Variants in DENND2B observed in about 807,000 individuals in gnomAD.
DENND2B encodes the protein DENN domain containing 2B.
A neutral mutation model predicts 116.0 loss-of-function variants in DENND2B; 32 were observed. The observed-to-expected ratio is 0.28, with a 90% confidence interval of 0.21 to 0.37. DENND2B has a LOEUF of 0.37. DENND2B is among the 10% of genes least tolerant of loss of function. The pLI is 1.00. For missense variants in DENND2B, 1,276 were observed against 1,477.7 expected, an observed-to-expected ratio of 0.86 and a Z score of 2.24; for synonymous variants, 588 against 583.9, an observed-to-expected ratio of 1.01 and a Z score of -0.10.
At chr11:8,847,856 AGAT>A in intron 3 of DENND2B, among the ~76,000 whole-genome samples, 1 of 152,358 alleles carries the variant, frequency 6.6e-6, no homozygotes, top group East Asian at 1.9e-4. Flanking sequence ...AGCATGCACA[AGAT>A]GACAAGCACA....
In DENND2B at chr11:8,744,806, G is replaced by A. The variant is rs539454577; in HGVS notation, c.80+5815C>T. On this transcript the variant is annotated intron_variant, in intron 2 of 19. Transcript: ENST00000313726. ...AGCCTGTCCCACCAGTGTCTTTTGG[G>A]TAGCAGATATACATTCTCTTTAAGT... is the stretch of plus-strand genomic sequence containing the variant. 4.1e-4 allele frequency among the ~76,000 whole-genome samples: 63 copies of A among 152,226 alleles called. No homozygotes were observed. The South Asian group carries it at 0.013, about 31-fold the overall frequency.
At chr11:8,708,637 G>T (rs1228684702) in intron 11 of DENND2B, among the ~76,000 whole-genome samples, 1 of 152,160 alleles carries the variant, frequency 6.6e-6, no homozygotes, top group East Asian at 1.9e-4. Context: ...GAGTAAAGGA[G>T]CAAAAGAAGA....
At position 8,743,740 on chromosome 11, in the gene DENND2B, G is replaced by A. The variant is rs565983558; in HGVS notation, c.80+6881C>T. Among the ~76,000 whole-genome samples the A allele has an allele frequency of 2.8e-4, 42 of 151,836 alleles. No homozygotes were observed. In the East Asian group the frequency reaches 7.4e-3, roughly 27 times the overall value. ...AGAAATCCAAATCGAAGTGGAGAGG[G>A]GCTTATCTCTTCCTTTTTTTTTTTT... On this transcript the variant is annotated intron_variant, in intron 2 of 19. Transcript: ENST00000313726.
At chr11:8,828,590 T>C (rs1428582750) in intron 4 of DENND2B, among the ~76,000 whole-genome samples, 1 of 151,556 alleles carries the variant, frequency 6.6e-6, no homozygotes, top group Non-Finnish European at 1.5e-5. Flanking sequence ...CCATGTGGGG[T>C]GGTGAGAATG....
At chr11:8,871,156 C>G (rs898564112) in intron 1 of DENND2B, 3 of 152,120 alleles carry the variant, frequency 2.0e-5, no homozygotes, top group African/African-American at 4.8e-5. Flanking sequence ...TGCGCCTCCA[C>G]CCAAGACAGA....
intron 1 of DENND2B, among the ~76,000 whole-genome samples, chr11:8,897,527 G>A (rs1461453895): frequency 1.3e-5 from 2 of 152,174 alleles, no homozygotes; most frequent in African/African-American, 4.8e-5. Flanking sequence ...ATCAGGGAAA[G>A]TCAATATCAT....
At chr11:8,869,580 T>C (rs2063704699) in intron 2 of DENND2B, among the ~76,000 whole-genome samples, 1 of 151,744 alleles carries the variant, frequency 6.6e-6, no homozygotes, top group Non-Finnish European at 1.5e-5. Context: ...GAGAATTGCT[T>C]GAACCCAGGA....
intron 4 of DENND2B, among the ~76,000 whole-genome samples, chr11:8,818,893 A>G (rs543572381): frequency 6.6e-6 from 1 of 152,202 alleles, no homozygotes; most frequent in African/African-American, 2.4e-5. Context: ...ACAGTAGTCC[A>G]GAGTGTCCAA....
At chr11:8,776,278 C>A in intron 1 of DENND2B, 2 of 454,592 alleles carry the variant, frequency 4.4e-6, no homozygotes, top group Non-Finnish European at 8.9e-6. Flanking sequence ...CACTGGCAGC[C>A]TGGAGTGCTC....
intron 1 of DENND2B, among the ~76,000 whole-genome samples, chr11:8,796,482 T>C (rs2059824007): frequency 6.6e-6 from 1 of 152,198 alleles, no homozygotes; most frequent in Admixed American, 6.5e-5. Flanking sequence ...ACGGTTGCAG[T>C]GAGCCAAGAC....
intron 1 of DENND2B, among the ~76,000 whole-genome samples, chr11:8,754,041 A>G (rs1384853372): frequency 1.3e-5 from 2 of 151,828 alleles, no homozygotes; most frequent in African/African-American, 4.8e-5. Flanking sequence ...ACACACACAC[A>G]CACACACACA....
rs577645457 is a variant in DENND2B at position 8,728,905 on chromosome 11, G to A, written c.1340+1045C>T. Among the ~76,000 whole-genome samples the A allele has an allele frequency of 4.6e-5, 7 of 152,296 alleles. 1 individual carries two copies. Among genetic ancestry groups the A allele is most frequent in the East Asian group, 1.9e-4 (1 of 5,188 alleles). On this transcript the variant is annotated intron_variant, in intron 3 of 19. Coordinates refer to ENST00000313726, the MANE Select transcript of DENND2B (RefSeq NM_213618.2). ...ATGTTTATAGAAATGGATGAACAAG[G>A]ACAAAGCAAACACTCTTGGCAGGCC...
chr11:8,775,771 AC>A (rs1222668204), intron 1 of DENND2B, among the ~76,000 whole-genome samples: 1 of 152,054 alleles, frequency 6.6e-6, no homozygotes, highest in African/African-American at 2.4e-5. Flanking sequence ...CCACTTTATC[AC>A]CTCATACCTA....
chr11:8,848,567 G>C (rs770536604), intron 3 of DENND2B, among the ~76,000 whole-genome samples: 3 of 152,166 alleles, frequency 2.0e-5, no homozygotes, highest in South Asian at 2.1e-4. Flanking sequence ...TTAAATGTGA[G>C]AGAGTGGTTA....
At chr11:8,830,121 G>T (rs761831875) in intron 4 of DENND2B, among the ~76,000 whole-genome samples, 3 of 151,916 alleles carry the variant, frequency 2.0e-5, no homozygotes, top group African/African-American at 7.3e-5. Flanking sequence ...TATTTTCATC[G>T]ATCTACAGGA....
In DENND2B at chr11:8,910,178, A is replaced by C. The variant is rs56769123; in HGVS notation, c.-256+643T>G. ...GAGAGCTGCGCTGAGGGATTATGAG[A>C]GACCCTACAACTTCTCAGGCGCCCC... On this transcript the variant is annotated intron_variant, in intron 1 of 22. Coordinates refer to the DENND2B transcript ENST00000534127. Among the ~76,000 whole-genome samples, 6 of 151,752 alleles carry C rather than the reference A, an allele frequency of 4.0e-5. No individual in the cohort carries two copies. The East Asian group carries it at 1.2e-3, about 30-fold the overall frequency.
chr11:8,742,299 A>C (rs558960046), intron 2 of DENND2B, among the ~76,000 whole-genome samples: 1 of 152,348 alleles, frequency 6.6e-6, no homozygotes, highest in South Asian at 2.1e-4. Context: ...GTCTGGGAGC[A>C]TAAGAACATG....
intron 1 of DENND2B, among the ~76,000 whole-genome samples, chr11:8,781,491 A>G (rs938962812): frequency 3.3e-5 from 5 of 152,162 alleles, no homozygotes; most frequent in East Asian, 1.9e-4. Context: ...CTTTTTGTCT[A>G]TTACACTGGG....
At chr11:8,778,507 T>A (rs920943477) in intron 1 of DENND2B, among the ~76,000 whole-genome samples, 5 of 152,222 alleles carry the variant, frequency 3.3e-5, no homozygotes, top group Non-Finnish European at 7.3e-5. Context: ...ATACTACCCA[T>A]GTCTGTTGTT....
Sources: allele counts gnomAD v4.1 joint callset (sites outside exome capture counted in the v4.1 genomes callset), GRCh38; gene constraint gnomAD v4.1.1; transcripts MANE v1.5; gene names NCBI Gene and HGNC (gene_info 2026-07-23, HGNC 2026-07-21).